Variants in BDKRB2 observed in about 807,000 individuals in gnomAD.
BDKRB2 encodes the protein B2 bradykinin receptor.
Under a neutral mutation model 4.0 loss-of-function variants are expected in BDKRB2, and 6 were observed. The ratio of observed to expected loss-of-function variants is 1.49; its 90% CI spans 0.81 to 2.93. BDKRB2 has a LOEUF of 2.93. Ranked by LOEUF, BDKRB2 falls within the 30% of genes most tolerant of loss-of-function variation. The pLI is 0.00. For synonymous variants in BDKRB2, 225 were observed against 215.3 expected (o/e 1.05, Z -0.40); for missense variants, 478 against 520.1 (o/e 0.92, Z 0.79).
rs971027959 is a variant in BDKRB2, at chr14:96,223,314, C to A, written c.-39-13755C>A. On this transcript the variant is annotated intron_variant, in intron 1 of 2. Transcript: ENST00000554311. The stretch of plus-strand genomic sequence containing the variant: ...AATCAGAACCTCACATCTTGCTGTT[C>A]CGGCGCCCACCACCCAAGAAGCCAA... The A allele has an allele frequency of 2.8e-6, 3 of 1,057,396 alleles. No homozygotes were observed. In the Admixed American group the frequency reaches 5.1e-5, roughly 18 times the overall value. The allele number at this position is 1,057,396 out of a possible 1,614,324, so 65.5% of individuals were successfully genotyped here. A position where few individuals can be genotyped will look rare whatever the true frequency, so the allele number is the denominator to read the frequency against.
At chr14:96,207,895 C>T (rs1297657932) in intron 1 of BDKRB2, among the ~76,000 whole-genome samples, 1 of 152,132 alleles carries the variant, frequency 6.6e-6, no homozygotes, top group Non-Finnish European at 1.5e-5. Context: ...GACTTGACAC[C>T]CCAAATGCAT....
chr14:96,216,303 C>T lies in BDKRB2; in HGVS notation c.-40+11344C>T, dbSNP rs367634776. On this transcript the variant is annotated intron_variant, in intron 1 of 2. Coordinates refer to ENST00000554311, the MANE Select transcript of BDKRB2 (RefSeq NM_001379692.1). The stretch of plus-strand genomic sequence containing the variant: ...TCCTGGAGGGTGGGCCTTTATATAA[C>T]AGGGAACAGAACTCTTCTGTACCTC... Among the ~76,000 whole-genome samples, 43 of 152,158 alleles carry T rather than the reference C, an allele frequency of 2.8e-4. No homozygotes were observed. In the East Asian group the frequency reaches 6.4e-3, roughly 23 times the overall value.
chr14:96,219,039 C>T (rs1466896900), intron 1 of BDKRB2, among the ~76,000 whole-genome samples: 1 of 152,046 alleles, frequency 6.6e-6, no homozygotes, highest in Non-Finnish European at 1.5e-5. Context: ...CACGGTGGCT[C>T]ACGCCTATAA....
In BDKRB2 at chr14:96,243,162, GA is replaced by G. The variant is rs1885343153; in HGVS notation, c.*1659del. 1 of 154,362 alleles carries G rather than the reference GA, an allele frequency of 6.5e-6. No homozygotes were observed. The highest frequency in any genetic ancestry group is 2.5e-5 in the African/African-American group (1 of 40,640). The allele number at this position is 154,362 out of a possible 1,614,324, so 9.6% of individuals were successfully genotyped here. A position where few individuals can be genotyped will look rare whatever the true frequency, so the allele number is the denominator to read the frequency against. ...CTAGAACCTGGAGGGCTAGAACCTGGAGGGCTAGAATCTGGAGAGCTAGAAC... is the reference window on the plus strand; with the variant it reads ...CTAGAACCTGGAGGGCTAGAACCTGGGGGCTAGAATCTGGAGAGCTAGAAC... On this transcript the variant is annotated 3_prime_UTR_variant, in exon 3 of 3. Transcript: ENST00000554311.
intron 1 of BDKRB2, among the ~76,000 whole-genome samples, chr14:96,230,617 G>C (rs1890795830): frequency 1.3e-5 from 1 of 78,172 alleles, no homozygotes; most frequent in Non-Finnish European, 2.5e-5. Flanking sequence ...GCTCTTTGCT[G>C]TAGTTTTTTT....
At chr14:96,225,812 C>G (rs986479409) in intron 1 of BDKRB2, among the ~76,000 whole-genome samples, 10 of 152,130 alleles carry the variant, frequency 6.6e-5, no homozygotes, top group African/African-American at 2.4e-4. Context: ...TTTTGTATAC[C>G]CAGCTGGGTG....
chr14:96,206,551 T>C (rs1890183772), intron 1 of BDKRB2, among the ~76,000 whole-genome samples: 4 of 151,302 alleles, frequency 2.6e-5, no homozygotes. Context: ...AAATATTAGG[T>C]TGGTGCAAAA....
chr14:96,206,065 C>T (rs1890172862), intron 1 of BDKRB2, among the ~76,000 whole-genome samples: 1 of 152,176 alleles, frequency 6.6e-6, no homozygotes, highest in African/African-American at 2.4e-5. Context: ...AACAGGTAAG[C>T]AACCCCAGAG....
At chr14:96,236,309 G>A (rs1253981328) in intron 1 of BDKRB2, among the ~76,000 whole-genome samples, 1 of 152,100 alleles carries the variant, frequency 6.6e-6, no homozygotes, top group Non-Finnish European at 1.5e-5. Flanking sequence ...TCCAGACCCT[G>A]CTGGACCCAA....
In BDKRB2 at chr14:96,242,640, G is replaced by C. The variant is rs200357797; in HGVS notation, c.*1136G>C. 3 of 152,340 alleles carry C rather than the reference G, an allele frequency of 2.0e-5. No homozygotes were observed. The highest frequency in any genetic ancestry group is 4.4e-5 in the Non-Finnish European group (3 of 68,142). 9.4% of individuals were successfully genotyped at this position (152,340 alleles called of 1,614,324 possible). A position where few individuals can be genotyped will look rare whatever the true frequency, so the allele number is the denominator to read the frequency against. The stretch of plus-strand genomic sequence containing the variant: ...TGAGGCCCCAACCGCCACACACACA[G>C]GAGCATTTGGAGAGAAGGCCATGTC... On this transcript the variant is annotated 3_prime_UTR_variant, in exon 3 of 3. Transcript: ENST00000554311.
At chr14:96,207,836 G>A (rs1205721373) in intron 1 of BDKRB2, among the ~76,000 whole-genome samples, 2 of 151,886 alleles carry the variant, frequency 1.3e-5, no homozygotes, top group African/African-American at 4.8e-5. Flanking sequence ...AGGCACTTAG[G>A]ACAATTACGG....
In BDKRB2 at chr14:96,241,687, G is replaced by A; in HGVS notation, c.*183G>A. On this transcript the variant is annotated 3_prime_UTR_variant, in exon 3 of 3. Coordinates refer to ENST00000554311, the MANE Select transcript of BDKRB2 (RefSeq NM_001379692.1). ...AATTTTGCAGGGAGCATGGCTGTGA[G>A]GATGGGGTGAACTCACGCACAGCCA... 1 of 1,031,732 alleles carries A rather than the reference G, an allele frequency of 9.7e-7. No individual in the cohort carries two copies. Among genetic ancestry groups the A allele is most frequent in the Non-Finnish European group, 1.3e-6 (1 of 763,048 alleles). The allele number at this position is 1,031,732 out of a possible 1,614,324, so 63.9% of individuals were successfully genotyped here. A position where few individuals can be genotyped will look rare whatever the true frequency, so the allele number is the denominator to read the frequency against.
At chr14:96,206,158 A>C (rs574591497) in intron 1 of BDKRB2, among the ~76,000 whole-genome samples, 2 of 152,324 alleles carry the variant, frequency 1.3e-5, no homozygotes, top group South Asian at 2.1e-4. Flanking sequence ...AGCAAGAGAC[A>C]TTCCACAGTT....
At chr14:96,227,091 G>GT (rs1890713937) in intron 1 of BDKRB2, among the ~76,000 whole-genome samples, 1 of 152,148 alleles carries the variant, frequency 6.6e-6, no homozygotes, top group African/African-American at 2.4e-5. Flanking sequence ...TGTAGACATC[G>GT]TTTCACCTCT....
intron 1 of BDKRB2, among the ~76,000 whole-genome samples, chr14:96,209,605 A>G (rs957329421): frequency 6.6e-6 from 1 of 152,210 alleles, no homozygotes. Flanking sequence ...CATTAACTTC[A>G]CTGAATGCAC....
intron 2 of BDKRB2, chr14:96,238,104 C>G (rs1890979943): frequency 2.9e-6 from 3 of 1,029,712 alleles, no homozygotes. Flanking sequence ...ATTCAGAGCC[C>G]AGTAGAGACA....
chr14:96,237,407 C>T (rs1277883852), intron 2 of BDKRB2, among the ~76,000 whole-genome samples: 1 of 152,292 alleles, frequency 6.6e-6, no homozygotes, highest in African/African-American at 2.4e-5. Context: ...AGAAGAAGGG[C>T]ACATTCCTGG....
intron 1 of BDKRB2, among the ~76,000 whole-genome samples, chr14:96,220,808 A>G (rs919289834): frequency 6.6e-6 from 1 of 151,998 alleles, no homozygotes; most frequent in Non-Finnish European, 1.5e-5. Context: ...GATGAGATCT[A>G]TACTTGAGAG....
At chr14:96,212,214 A>T (rs1890319124) in intron 1 of BDKRB2, among the ~76,000 whole-genome samples, 1 of 152,218 alleles carries the variant, frequency 6.6e-6, no homozygotes, top group Non-Finnish European at 1.5e-5. Context: ...ATAGAAATAA[A>T]CTACTTGAAA....
Sources: gnomAD v4.1 joint callset for allele counts (sites outside exome capture counted in the v4.1 genomes callset) on GRCh38, gnomAD v4.1.1 for gene constraint, MANE v1.5 for transcripts, NCBI Gene and HGNC (gene_info 2026-07-23, HGNC 2026-07-21) for gene names.